CADM1: variants seen among roughly 807,000 people sequenced by gnomAD.
CADM1 encodes TSLC-1.
Under a neutral mutation model 53.1 loss-of-function variants are expected in CADM1, and 15 were observed. The observed-to-expected ratio is 0.28, with a 90% CI of 0.19 to 0.44. The LOEUF (loss-of-function observed/expected upper bound fraction) is 0.44. Ranked by LOEUF, CADM1 falls within the 20% of genes least tolerant of loss-of-function variation. CADM1 has a pLI of 1.00. For missense variants in CADM1, 434 were observed against 611.3 expected (o/e 0.71, Z 3.06); for synonymous variants, 281 against 243.0 (o/e 1.16, Z -1.45).
intron 1 of CADM1, among the ~76,000 whole-genome samples, chr11:115,296,161 G>T (rs945440278): frequency 6.6e-6 from 1 of 152,116 alleles, no homozygotes; most frequent in Non-Finnish European, 1.5e-5. Context: ...ACGTTGCCCA[G>T]GCTGGTCTTA....
At chr11:115,301,083 A>G (rs1944208810) in intron 1 of CADM1, among the ~76,000 whole-genome samples, 1 of 152,100 alleles carries the variant, frequency 6.6e-6, no homozygotes, top group Non-Finnish European at 1.5e-5. Context: ...GAGAATCCCT[A>G]GTCTAAAGCA....
At chr11:115,431,585 C>A (rs1948052288) in intron 1 of CADM1, among the ~76,000 whole-genome samples, 1 of 152,186 alleles carries the variant, frequency 6.6e-6, no homozygotes, top group South Asian at 2.1e-4. Context: ...GTCCTTCACA[C>A]AACCTGAAGG....
intron 1 of CADM1, among the ~76,000 whole-genome samples, chr11:115,376,235 T>C (rs1466603370): frequency 2.0e-5 from 3 of 152,138 alleles, no homozygotes; most frequent in Non-Finnish European, 4.4e-5. Flanking sequence ...CTGGCTACCA[T>C]GAGGATTAAA....
chr11:115,387,691 T>C (rs1254180187), intron 1 of CADM1, among the ~76,000 whole-genome samples: 1 of 152,108 alleles, frequency 6.6e-6, no homozygotes, highest in Non-Finnish European at 1.5e-5. Flanking sequence ...CATTATAGAA[T>C]GGAGATAAGC....
chr11:115,347,254 C>A (rs1051020505), intron 1 of CADM1, among the ~76,000 whole-genome samples: 1 of 152,020 alleles, frequency 6.6e-6, no homozygotes, highest in Non-Finnish European at 1.5e-5. Context: ...TACTAGCCCC[C>A]CCAACTGCTT....
chr11:115,214,832 C>T, intron 6 of CADM1, 52 bp from the exon 7 acceptor site: 5 of 1,547,146 alleles, frequency 3.2e-6, no homozygotes, highest in Non-Finnish European at 4.5e-6. Flanking sequence ...CCCATTGCAT[C>T]AAACTGCTCA....
At chr11:115,209,787 T>C in intron 7 of CADM1, 130 bp from the exon 8 acceptor site, 1 of 1,073,940 alleles carries the variant, frequency 9.3e-7, no homozygotes, top group Non-Finnish European at 1.4e-6. Flanking sequence ...CCAAAAGTTC[T>C]TTCCCTGCAA....
chr11:115,405,405 C>T (rs1240512179), intron 1 of CADM1, among the ~76,000 whole-genome samples: 2 of 152,224 alleles, frequency 1.3e-5, no homozygotes, highest in Non-Finnish European at 1.5e-5. Context: ...AGCACAATCA[C>T]GTGGGAGAGC....
At chr11:115,283,497 A>G (rs1385323594) in intron 1 of CADM1, among the ~76,000 whole-genome samples, 1 of 152,194 alleles carries the variant, frequency 6.6e-6, no homozygotes, top group Non-Finnish European at 1.5e-5. Context: ...GGTGGAGGGA[A>G]GGGAAGAGGG....
intron 1 of CADM1, among the ~76,000 whole-genome samples, chr11:115,288,353 A>G (rs1376415303): frequency 6.6e-6 from 1 of 152,208 alleles, no homozygotes; most frequent in African/African-American, 2.4e-5. Context: ...AAACATTTCA[A>G]AGGAACGACA....
chr11:115,264,314 C>T (rs1943066268), intron 1 of CADM1, among the ~76,000 whole-genome samples: 1 of 152,162 alleles, frequency 6.6e-6, no homozygotes, highest in African/African-American at 2.4e-5. Context: ...TGATTTATAA[C>T]AGATTACCAA....
intron 5 of CADM1, 57 bp from the exon 6 acceptor site, chr11:115,218,048 C>A: frequency 8.2e-7 from 1 of 1,225,516 alleles, no homozygotes; most frequent in South Asian, 1.2e-5. Context: ...CAGGCAAAAT[C>A]AGACTCACAC....
At chr11:115,450,068 C>T (rs1270994081) in intron 1 of CADM1, among the ~76,000 whole-genome samples, 1 of 152,040 alleles carries the variant, frequency 6.6e-6, no homozygotes, top group East Asian at 1.9e-4. Context: ...AAAAAAGCTG[C>T]TTTCACCCCT....
chr11:115,502,389 T>C (rs1051447554), intron 1 of CADM1, among the ~76,000 whole-genome samples: 6 of 140,702 alleles, frequency 4.3e-5, no homozygotes, highest in Non-Finnish European at 9.1e-5. Context: ...GCCTCTATTA[T>C]GCGCCAGTTA....
intron 9 of CADM1, among the ~76,000 whole-genome samples, chr11:115,192,102 C>T (rs186482870): frequency 1.5e-4 from 23 of 152,338 alleles, no homozygotes; most frequent in Non-Finnish European, 1.5e-5. Flanking sequence ...CAAGTAATGT[C>T]AAACTGATCA....
At chr11:115,458,223 G>T (rs1363882528) in intron 1 of CADM1, among the ~76,000 whole-genome samples, 1 of 151,758 alleles carries the variant, frequency 6.6e-6, no homozygotes, top group Non-Finnish European at 1.5e-5. Flanking sequence ...AATTATAAAG[G>T]CTTTAAAACA....
intron 1 of CADM1, among the ~76,000 whole-genome samples, chr11:115,302,252 T>G (rs1944246722): frequency 6.6e-6 from 1 of 152,050 alleles, no homozygotes; most frequent in African/African-American, 2.4e-5. Context: ...AAACCCCCTT[T>G]ACACAAGTCT....
In CADM1 at chr11:115,355,707, AACACACACACACACAC is replaced by A. The variant is rs71066418; in HGVS notation, c.125-115303_125-115288del. On this transcript the variant is annotated intron_variant, in intron 1 of 11. Coordinates refer to ENST00000331581, the MANE Select transcript of CADM1 (RefSeq NM_001301043.2). ...AGATTTAGCTCAAGTTTAAATTACT[AACACACACACACACAC>A]ACACACACACACACAGGCACAAATT... Among the ~76,000 whole-genome samples, 139 of 150,854 alleles carry A rather than the reference AACACACACACACACAC, an allele frequency of 9.2e-4. 3 individuals carry two copies. The South Asian group carries it at 0.028, about 30-fold the overall frequency.
At chr11:115,366,117 T>C (rs1946150184) in intron 1 of CADM1, among the ~76,000 whole-genome samples, 1 of 152,220 alleles carries the variant, frequency 6.6e-6, no homozygotes, top group African/African-American at 2.4e-5. Context: ...CATGTTATCA[T>C]CCAGCCTTGC....
Sources: allele counts gnomAD v4.1 joint callset (sites outside exome capture counted in the v4.1 genomes callset), GRCh38; gene constraint gnomAD v4.1.1; transcripts MANE v1.5; gene names NCBI Gene and HGNC (gene_info 2026-07-23, HGNC 2026-07-21).